The following RIC8B variants were observed in gnomAD, a reference collection of about 807,000 sequenced individuals.
RIC8B encodes the protein RIC8 guanine nucleotide exchange factor B.
In RIC8B, 16 loss-of-function variants were observed where a neutral mutation model predicts 57.5. That is an observed-to-expected ratio of 0.28 (90% CI 0.19 to 0.42). The LOEUF is 0.42. Among genes scored for constraint, RIC8B ranks in the 10% least tolerant of loss-of-function variants. The pLI, the probability that RIC8B is intolerant of heterozygous loss-of-function variation, is 1.00. For synonymous variants in RIC8B, 216 were observed against 250.8 expected (o/e 0.86, Z 1.31); for missense variants, 481 against 677.0 (o/e 0.71, Z 3.21).
chr12:106,863,327 G>C (rs977459948), intron 8 of RIC8B, among the ~76,000 whole-genome samples: 2 of 152,084 alleles, frequency 1.3e-5, no homozygotes, highest in Non-Finnish European at 2.9e-5. Context: ...CACCACACCA[G>C]TTCATAATCA....
chr12:106,881,754 A>G (rs1017233434), intron 9 of RIC8B, among the ~76,000 whole-genome samples: 1 of 152,048 alleles, frequency 6.6e-6, no homozygotes, highest in Admixed American at 6.6e-5. Flanking sequence ...TGTACCAAAT[A>G]TTTCATTTTG....
At chr12:106,791,185 A>G (rs984821683) in intron 2 of RIC8B, among the ~76,000 whole-genome samples, 3 of 152,240 alleles carry the variant, frequency 2.0e-5, no homozygotes, top group African/African-American at 7.2e-5. Flanking sequence ...TGCATACAGT[A>G]TGATCACAGC....
chr12:106,852,236 C>T (rs1482512243), intron 7 of RIC8B, among the ~76,000 whole-genome samples: 1 of 152,196 alleles, frequency 6.6e-6, no homozygotes, highest in Non-Finnish European at 1.5e-5. Flanking sequence ...GATTACTCTG[C>T]AAAAGGCAAG....
At chr12:106,874,461 TTCC>T in intron 9 of RIC8B, 1 of 1,545,152 alleles carries the variant, frequency 6.5e-7, no homozygotes, top group Non-Finnish European at 8.8e-7. Flanking sequence ...CACTAGACAC[TTCC>T]TTTTTTCCAT....
chr12:106,854,715 G>T (rs1347947038), intron 7 of RIC8B, among the ~76,000 whole-genome samples: 1 of 152,166 alleles, frequency 6.6e-6, no homozygotes, highest in African/African-American at 2.4e-5. Flanking sequence ...CTTGAACCCG[G>T]GAGGTGGAGG....
At position 106,783,255 on chromosome 12, in the gene RIC8B, T is replaced by C. The variant is rs577477463; in HGVS notation, c.85-742T>C. Among the ~76,000 whole-genome samples, 3 of 152,334 alleles carry C rather than the reference T, an allele frequency of 2.0e-5. No individual in the cohort carries two copies. In the South Asian group the frequency reaches 6.2e-4, roughly 32 times the overall value. ...GCACTGAGATTGTGCTTTATATACA[T>C]GCCTTAGCTTTTTTTTAACTGTCAC... is the stretch of plus-strand genomic sequence containing the variant. On this transcript the variant is annotated intron_variant, in intron 1 of 9. Transcript: ENST00000392837.
chr12:106,847,120 T>C (rs1872691893), intron 6 of RIC8B, among the ~76,000 whole-genome samples: 1 of 152,194 alleles, frequency 6.6e-6, no homozygotes, highest in Admixed American at 6.6e-5. Context: ...AAGCAAGTGG[T>C]AGAAATTACT....
chr12:106,783,922 G>GGGAC, intron 1 of RIC8B, 75 bp from the exon 2 acceptor site: 1 of 1,324,372 alleles, frequency 7.6e-7, no homozygotes, highest in Non-Finnish European at 1.1e-6. Context: ...CATTATTTTA[G>GGGAC]ATGCTATTAA....
intron 5 of RIC8B, among the ~76,000 whole-genome samples, chr12:106,843,198 AAAG>A (rs930542033): frequency 2.2e-4 from 33 of 152,176 alleles, no homozygotes; most frequent in African/African-American, 8.0e-4. Flanking sequence ...AAAAAAGAAA[AAAG>A]AAGACCTTGT....
At chr12:106,784,125 C>T in intron 2 of RIC8B, 81 bp downstream of exon 2, 1 of 1,253,116 alleles carries the variant, frequency 8.0e-7, no homozygotes, top group Non-Finnish European at 1.2e-6. Flanking sequence ...GTCATGTTTT[C>T]ATCTGATGGT....
chr12:106,842,261 A>G (rs1005936031), intron 4 of RIC8B, among the ~76,000 whole-genome samples: 6 of 152,198 alleles, frequency 3.9e-5, no homozygotes, highest in African/African-American at 1.4e-4. Context: ...AAGAAATGCA[A>G]AGCTAGCATT....
chr12:106,852,768 T>C (rs912941511), intron 7 of RIC8B, among the ~76,000 whole-genome samples: 1 of 152,250 alleles, frequency 6.6e-6, no homozygotes, highest in Non-Finnish European at 1.5e-5. Flanking sequence ...ACTATTATCA[T>C]AGACTGTTTA....
At chr12:106,792,262 C>A (rs1247175495) in intron 2 of RIC8B, among the ~76,000 whole-genome samples, 2 of 152,210 alleles carry the variant, frequency 1.3e-5, no homozygotes, top group Non-Finnish European at 2.9e-5. Flanking sequence ...ATTTAAACTT[C>A]ATTCCAAATT....
chr12:106,870,730 CTCTT>C lies in RIC8B; in HGVS notation c.1452-88_1452-85del, dbSNP rs944156177. Reference sequence around the variant, plus strand: ...TATTGCCAATTTTTTGGCTATTATACTCTTTCTTATTATCACTTAAAAGTTGGAC... The same window carrying C: ...TATTGCCAATTTTTTGGCTATTATACTCTTATTATCACTTAAAAGTTGGAC... On this transcript the variant is annotated intron_variant, in intron 8 of 9. Transcript: ENST00000392837. 6.7e-6 allele frequency: 7 copies of C among 1,050,784 alleles called. No individual in the cohort carries two copies. In the African/African-American group the frequency reaches 9.6e-5, roughly 14 times the overall value. 65.1% of individuals were successfully genotyped at this position (1,050,784 alleles called of 1,614,324 possible).
chr12:106,794,487 A>G (rs1354499311), intron 2 of RIC8B, among the ~76,000 whole-genome samples: 2 of 152,246 alleles, frequency 1.3e-5, no homozygotes, highest in Non-Finnish European at 2.9e-5. Flanking sequence ...TAAATACATC[A>G]TAGTAAAAAT....
intron 7 of RIC8B, among the ~76,000 whole-genome samples, chr12:106,859,659 A>G (rs1162445423): frequency 6.6e-6 from 1 of 152,150 alleles, no homozygotes; most frequent in Non-Finnish European, 1.5e-5. Flanking sequence ...AGTAATTGGT[A>G]GAGCCAGTAT....
intron 9 of RIC8B, among the ~76,000 whole-genome samples, chr12:106,880,558 A>C (rs1439138589): frequency 2.6e-5 from 4 of 152,128 alleles, no homozygotes; most frequent in African/African-American, 9.7e-5. Context: ...CATATGGAAG[A>C]AGCTCAGTCT....
At chr12:106,878,382 T>G (rs772170848) in intron 9 of RIC8B, among the ~76,000 whole-genome samples, 108 of 151,854 alleles carry the variant, frequency 7.1e-4, no homozygotes, top group Non-Finnish European at 1.8e-4. Context: ...CCCGTTATAC[T>G]TCAGTGGATT....
chr12:106,851,712 C>A, intron 7 of RIC8B, 118 bp downstream of exon 7: 2 of 861,322 alleles, frequency 2.3e-6, no homozygotes, highest in Non-Finnish European at 3.5e-6. Context: ...ACTGTCTGTT[C>A]TATTAGAGAG....
Sources: allele counts gnomAD v4.1 joint callset (sites outside exome capture counted in the v4.1 genomes callset), GRCh38; gene constraint gnomAD v4.1.1; transcripts MANE v1.5; gene names NCBI Gene and HGNC (gene_info 2026-07-23, HGNC 2026-07-21).